The following DPYSL5 variants were observed in gnomAD, a reference collection of about 807,000 sequenced individuals.
The protein encoded by DPYSL5 is dihydropyrimidinase like 5.
In DPYSL5, 9 loss-of-function variants were observed where a neutral mutation model predicts 58.4. That is an observed-to-expected ratio of 0.15 (90% CI 0.09 to 0.27). The LOEUF is 0.27. Among genes scored for constraint, DPYSL5 ranks in the 10% least tolerant of loss-of-function variants. The probability of loss-of-function intolerance (pLI) is 1.00; values close to 1 mark genes in which losing one functional copy is unlikely to be tolerated. For missense variants in DPYSL5, 499 were observed against 770.6 expected, an observed-to-expected ratio of 0.65 and a Z score of 4.17; for synonymous variants, 293 against 301.9, an observed-to-expected ratio of 0.97 and a Z score of 0.31.
At chr2:26,907,923 C>A (rs1172342876) in intron 2 of DPYSL5, among the ~76,000 whole-genome samples, 1 of 152,138 alleles carries the variant, frequency 6.6e-6, no homozygotes, top group Non-Finnish European at 1.5e-5. Context: ...TAGTCGACAT[C>A]CAAGAAATGG....
At chr2:26,931,169 ATGTGTGTG>A (rs1324624030) in intron 5 of DPYSL5, among the ~76,000 whole-genome samples, 4 of 45,700 alleles carry the variant, frequency 8.8e-5, no homozygotes, top group Non-Finnish European at 1.3e-4. Flanking sequence ...ATATATATAT[ATGTGTGTG>A]TGTGTGTGTG....
chr2:26,915,337 C>A (rs1237636972), intron 2 of DPYSL5, among the ~76,000 whole-genome samples: 2 of 152,236 alleles, frequency 1.3e-5, no homozygotes, highest in Admixed American at 6.5e-5. Context: ...GTCTGTCAGG[C>A]TCCAGAGTTC....
chr2:26,864,806 C>T (rs369800876), intron 1 of DPYSL5, among the ~76,000 whole-genome samples: 4 of 152,264 alleles, frequency 2.6e-5, no homozygotes, highest in East Asian at 1.9e-4. Flanking sequence ...GGGGGACAGA[C>T]GCCCAAGGTG....
At position 26,946,060 on chromosome 2, in the gene DPYSL5, C is replaced by T. The variant is rs1393662547; in HGVS notation, c.1610-850C>T. Among the ~76,000 whole-genome samples the T allele has an allele frequency of 3.3e-5, 5 of 152,312 alleles. No homozygotes were observed. The East Asian group carries it at 9.6e-4, about 29-fold the overall frequency. ...CACTGCCACTCCCACCAGTGACGGGCCATGAGTGAAGTCAGAAAGGGACCC... is the reference window on the plus strand; with the variant it reads ...CACTGCCACTCCCACCAGTGACGGGTCATGAGTGAAGTCAGAAAGGGACCC... On this transcript the variant is annotated intron_variant, in intron 12 of 12. Transcript: ENST00000288699.
At chr2:26,868,701 G>A (rs185425768) in intron 1 of DPYSL5, among the ~76,000 whole-genome samples, 2 of 152,018 alleles carry the variant, frequency 1.3e-5, no homozygotes, top group East Asian at 1.9e-4. Context: ...TTTTAACTAC[G>A]GTGATTTCAT....
Position 26,942,470 on chromosome 2 carries a change from C to T in DPYSL5, c.1233-73C>T, listed in dbSNP as rs1489076490. On this transcript the variant is annotated intron_variant, in intron 10 of 12. Transcript: ENST00000288699. This position sits in a 1 kb window ranked among gnomAD's most constrained non-coding sequence, Gnocchi z 5.9. ...CCCATAACAACCAGCCTTTGGGGCTCACCCCTCCCATGGAGCTGTGACATT... is the reference window on the plus strand; with the variant it reads ...CCCATAACAACCAGCCTTTGGGGCTTACCCCTCCCATGGAGCTGTGACATT... The T allele has an allele frequency of 6.6e-7, 1 of 1,508,124 alleles. No individual in the cohort carries two copies. The highest frequency in any genetic ancestry group is 9.0e-7 in the Non-Finnish European group (1 of 1,109,066). 93.4% of individuals were successfully genotyped at this position (1,508,124 alleles called of 1,614,324 possible).
intron 1 of DPYSL5, among the ~76,000 whole-genome samples, chr2:26,866,202 C>T (rs1345287290): frequency 6.6e-6 from 1 of 152,158 alleles, no homozygotes; most frequent in Non-Finnish European, 1.5e-5. Context: ...GCTTCTGAAC[C>T]CCACTGGCCT....
At chr2:26,918,916 C>T (rs1664641388) in intron 2 of DPYSL5, among the ~76,000 whole-genome samples, 1 of 152,168 alleles carries the variant, frequency 6.6e-6, no homozygotes, top group Admixed American at 6.5e-5. Flanking sequence ...AAAGTTTGTG[C>T]CTTGACCAGG....
Position 26,898,767 on chromosome 2 carries a change from C to T in DPYSL5, c.261+7C>T. The T allele has an allele frequency of 6.3e-7, 1 of 1,595,810 alleles. No homozygotes were observed. The highest frequency in any genetic ancestry group is 8.6e-7 in the Non-Finnish European group (1 of 1,167,996). On this transcript the variant is annotated splice_region_variant and intron_variant, in intron 2 of 12. Transcript: ENST00000288699. This position sits in a 1 kb window ranked among gnomAD's most constrained non-coding sequence, Gnocchi z 6.1. ...CTTCTACCATGGGACCAAGGTAATGCTCCTGTTTGCCAAAGGTGGCTTCCT... is the reference window on the plus strand; with the variant it reads ...CTTCTACCATGGGACCAAGGTAATGTTCCTGTTTGCCAAAGGTGGCTTCCT...
In DPYSL5 at chr2:26,944,292, A is replaced by G. The variant is rs1433989695; in HGVS notation, c.1441-364A>G. On this transcript the variant is annotated intron_variant, in intron 11 of 12. Coordinates refer to ENST00000288699, the MANE Select transcript of DPYSL5 (RefSeq NM_020134.4). The surrounding 1 kb of genome is among the most constrained non-coding windows in gnomAD (Gnocchi z 4.4). ...AGAGTGAGACTCTGTCTCAAAAAAAAGAAAAGAAAAATTTGGTTAAAGTTG... is the reference window on the plus strand; with the variant it reads ...AGAGTGAGACTCTGTCTCAAAAAAAGGAAAAGAAAAATTTGGTTAAAGTTG... Among the ~76,000 whole-genome samples the G allele has an allele frequency of 6.6e-6, 1 of 152,142 alleles. No individual in the cohort carries two copies. Among genetic ancestry groups the G allele is most frequent in the Non-Finnish European group, 1.5e-5 (1 of 68,012 alleles).
chr2:26,944,701 G>A lies in DPYSL5; in HGVS notation c.1486G>A (p.Val496Ile). The change falls in exon 12 of 13, where the codon GTC becomes ATC. Residue 496 changes from valine (V) to isoleucine (I), a missense_variant. This residue lies in a region of DPYSL5 where 62 missense variants were observed against 59.2 expected (regional missense o/e 1.05). Coordinates refer to ENST00000288699, the MANE Select transcript of DPYSL5 (RefSeq NM_020134.4). This position sits in a 1 kb window ranked among gnomAD's most constrained non-coding sequence, Gnocchi z 4.4. ...GVDRTPYLGD[V>I]AVVVHPGKKE... Reference sequence around the variant, plus strand: ...GGACCGCACTCCCTACCTGGGGGATGTCGCTGTTGTCGTGCACCCTGGGAA... The same window carrying A: ...GGACCGCACTCCCTACCTGGGGGATATCGCTGTTGTCGTGCACCCTGGGAA... 3 of 1,614,102 alleles carry A rather than the reference G, an allele frequency of 1.9e-6. No homozygotes were observed. Among genetic ancestry groups the A allele is most frequent in the Non-Finnish European group, 2.5e-6 (3 of 1,180,000 alleles).
intron 2 of DPYSL5, among the ~76,000 whole-genome samples, chr2:26,901,065 C>T (rs534847484): frequency 7.2e-5 from 11 of 152,216 alleles, no homozygotes; most frequent in African/African-American, 1.9e-4. Flanking sequence ...TTCTCATCCA[C>T]GCAAGCAGCT....
chr2:26,946,414 G>T (rs972073112), intron 12 of DPYSL5, among the ~76,000 whole-genome samples: 3 of 145,844 alleles, frequency 2.1e-5, no homozygotes, highest in African/African-American at 5.0e-5. Context: ...GTTTGTTTTT[G>T]TTTTTTTTTT....
In DPYSL5 at chr2:26,927,398, G is replaced by A. The variant is rs1210983910; in HGVS notation, c.566G>A (p.Arg189His). The A allele has an allele frequency of 2.5e-6, 4 of 1,614,190 alleles. No individual in the cohort carries two copies. Among genetic ancestry groups the A allele is most frequent in the Non-Finnish European group, 2.5e-6 (3 of 1,180,032 alleles). Reference protein sequence around the residue: ...HACKDIGAIARVHAENGELVA... With the variant: ...HACKDIGAIAHVHAENGELVA... ...TGCAAGGACATTGGGGCAATCGCCCGCGTCCATGCTGAAAATGGGGAGCTT... is the reference window on the plus strand; with the variant it reads ...TGCAAGGACATTGGGGCAATCGCCCACGTCCATGCTGAAAATGGGGAGCTT... Residue 189 changes from arginine to histidine, a missense_variant, in exon 4 of 13, where the codon CGC becomes CAC. Physicochemically the swap from Arg to His is conservative, Grantham distance 29. Around this residue, in one of 3 missense-constraint regions of DPYSL5, gnomAD observed 404 missense variants for 647.6 expected, o/e 0.62. Coordinates refer to ENST00000288699, the MANE Select transcript of DPYSL5 (RefSeq NM_020134.4). The surrounding 1 kb of genome is among the most constrained non-coding windows in gnomAD (Gnocchi z 4.3).
In DPYSL5 at chr2:26,902,429, T is replaced by C. The variant is rs141561526; in HGVS notation, c.261+3669T>C. ...AAAACTACAAGCATTCATAAGCAAA[T>C]CAGGTATGTGGCAAAATAAAAATAA... On this transcript the variant is annotated intron_variant, in intron 2 of 12. Coordinates refer to ENST00000288699, the MANE Select transcript of DPYSL5 (RefSeq NM_020134.4). Among the ~76,000 whole-genome samples the C allele has an allele frequency of 5.1e-3, 780 of 152,028 alleles. 9 individuals are homozygous for C. Among genetic ancestry groups the C allele is most frequent in the African/African-American group, 0.018 (753 of 41,470 alleles).
At chr2:26,869,965 C>T (rs909756068) in intron 1 of DPYSL5, among the ~76,000 whole-genome samples, 3 of 152,132 alleles carry the variant, frequency 2.0e-5, no homozygotes, top group African/African-American at 7.2e-5. Context: ...GAGCTGAGAT[C>T]GCGCCACTGC....
chr2:26,899,291 T>C (rs1664094220), intron 2 of DPYSL5, among the ~76,000 whole-genome samples: 1 of 152,180 alleles, frequency 6.6e-6, no homozygotes, highest in Admixed American at 6.5e-5. Flanking sequence ...ATGGACAATA[T>C]TTAACAGTTA....
Position 26,905,886 on chromosome 2 carries a change from G to A in DPYSL5, c.261+7126G>A, listed in dbSNP as rs1057502053. On this transcript the variant is annotated intron_variant, in intron 2 of 12. Coordinates refer to ENST00000288699, the MANE Select transcript of DPYSL5 (RefSeq NM_020134.4). This position sits in a 1 kb window ranked among gnomAD's most constrained non-coding sequence, Gnocchi z 4.0. ...CTGGGCACAGCATGACTAGGTCTTC[G>A]GCTCAGAGCCTCGCAAGCCGCCATC... 4.6e-5 allele frequency among the ~76,000 whole-genome samples: 7 copies of A among 152,122 alleles called. No individual in the cohort carries two copies. Among genetic ancestry groups the A allele is most frequent in the East Asian group, 1.9e-4 (1 of 5,192 alleles).
At chr2:26,886,876 C>T (rs975977175) in intron 1 of DPYSL5, among the ~76,000 whole-genome samples, 1 of 152,206 alleles carries the variant, frequency 6.6e-6, no homozygotes, top group Non-Finnish European at 1.5e-5. Context: ...CTTTCTCTCT[C>T]CTTTGTGCTG....
Sources: allele counts gnomAD v4.1 joint callset (sites outside exome capture counted in the v4.1 genomes callset), GRCh38; gene constraint gnomAD v4.1.1; regional missense constraint gnomAD v4.1.1; non-coding constraint Gnocchi (gnomAD v3.1); transcripts MANE v1.5; gene names NCBI Gene and HGNC (gene_info 2026-07-23, HGNC 2026-07-21).